KIAA0513: variants seen among roughly 807,000 people sequenced by gnomAD.
KIAA0513 encodes the protein KIAA0513.
KIAA0513 carries 39 observed loss-of-function variants against 56.5 expected under a neutral mutation model. The ratio of observed to expected loss-of-function variants is 0.69; its 90% CI spans 0.53 to 0.90. The LOEUF is 0.90. KIAA0513 is among the 40% of genes least tolerant of loss of function. The pLI, the probability that KIAA0513 is intolerant of heterozygous loss-of-function variation, is 0.00. For synonymous variants in KIAA0513, 268 were observed against 215.6 expected (o/e 1.24, Z -2.13); for missense variants, 591 against 535.2 (o/e 1.10, Z -1.03).
rs777149363 is a variant in KIAA0513, at chr16:85,067,220, C to G, written c.149C>G (p.Ser50Cys). 6.2e-7 allele frequency: 1 copy of G among 1,614,200 alleles called. No homozygotes were observed. Among genetic ancestry groups the G allele is most frequent in the Non-Finnish European group, 8.5e-7 (1 of 1,180,022 alleles). ...DGASESETTE[S>C]ADSENDMGES... ...GCATCAGAGAGTGAGACCACTGAGT[C>G]TGCGGACAGTGAGAATGACATGGGC... The change falls in exon 2 of 13, where the codon TCT (serine) becomes TGT (cysteine). Residue 50 changes from serine (S) to cysteine (C), a missense_variant. Coordinates refer to ENST00000683363, the MANE Select transcript of KIAA0513 (RefSeq NM_001388359.1).
At chr16:85,052,541 A>G (rs1218213238) in intron 1 of KIAA0513, among the ~76,000 whole-genome samples, 6 of 152,184 alleles carry the variant, frequency 3.9e-5, no homozygotes, top group Non-Finnish European at 7.4e-5. Context: ...CAGTCAATCA[A>G]TCAATCGATG....
In KIAA0513 at chr16:85,076,222, G is replaced by T. The variant is rs956355064; in HGVS notation, c.574+308G>T. ...CAAGCTAGGCAGGACATTTCATGGT[G>T]GAAACAGGAACTGCTGGACATGAAG... On this transcript the variant is annotated intron_variant, in intron 5 of 12. Transcript: ENST00000683363. The surrounding 1 kb of genome is among the most constrained non-coding windows in gnomAD (Gnocchi z 4.7). 3.9e-5 allele frequency among the ~76,000 whole-genome samples: 6 copies of T among 152,194 alleles called. No homozygotes were observed. Among genetic ancestry groups the T allele is most frequent in the Non-Finnish European group, 7.3e-5 (5 of 68,036 alleles).
Position 85,090,454 on chromosome 16 carries a change from C to T in KIAA0513, c.*2129C>T, listed in dbSNP as rs936092215. 6.6e-6 allele frequency: 1 copy of T among 152,216 alleles called. No individual in the cohort carries two copies. The highest frequency in any genetic ancestry group is 2.4e-5 in the African/African-American group (1 of 41,450). 9.4% of individuals were successfully genotyped at this position (152,216 alleles called of 1,614,324 possible). On this transcript the variant is annotated 3_prime_UTR_variant, in exon 13 of 13. Transcript: ENST00000683363. ...TTTGATTCTGAGACTCTCTTGGGAACGCTGGAGAGCTTGTGCACAGCCTCT... is the reference window on the plus strand; with the variant it reads ...TTTGATTCTGAGACTCTCTTGGGAATGCTGGAGAGCTTGTGCACAGCCTCT...
intron 11 of KIAA0513, 50 bp from the exon 12 acceptor site, chr16:85,087,022 C>G: frequency 3.2e-6 from 5 of 1,566,350 alleles, no homozygotes; most frequent in Non-Finnish European, 4.4e-6. Flanking sequence ...GCTCCCCGGC[C>G]CTTTCCCCTG....
At chr16:85,030,469 G>A (rs968452637) in intron 1 of KIAA0513, among the ~76,000 whole-genome samples, 7 of 152,170 alleles carry the variant, frequency 4.6e-5, no homozygotes, top group African/African-American at 4.8e-5. Context: ...AGGGCTGGGC[G>A]CGGTGGCTGT....
chr16:85,064,051 G>C (rs995585140), intron 1 of KIAA0513, among the ~76,000 whole-genome samples: 1 of 144,780 alleles, frequency 6.9e-6, no homozygotes, highest in Admixed American at 7.1e-5. Flanking sequence ...TGTCGCCCAG[G>C]CTGGAGTGCA....
rs373294941 is a variant in KIAA0513, at chr16:85,067,207, G to C, written c.136G>C (p.Glu46Gln). Residue 46 changes from glutamate (E) to glutamine (Q), a missense_variant, in exon 2 of 13, where the codon GAG becomes CAG. Physicochemically the swap from Glu to Gln is conservative, Grantham distance 29 (BLOSUM62 2). Transcript: ENST00000683363. ...GSLGDGASES[E>Q]TTESADSEND... Reference sequence around the variant, plus strand: ...CCTGGGGGACGGTGCATCAGAGAGTGAGACCACTGAGTCTGCGGACAGTGA... The same window carrying C: ...CCTGGGGGACGGTGCATCAGAGAGTCAGACCACTGAGTCTGCGGACAGTGA... 3.7e-6 allele frequency: 6 copies of C among 1,614,074 alleles called. No individual in the cohort carries two copies. The highest frequency in any genetic ancestry group is 5.1e-6 in the Non-Finnish European group (6 of 1,180,022).
intron 1 of KIAA0513, among the ~76,000 whole-genome samples, chr16:85,052,582 T>G (rs539002248): frequency 6.6e-6 from 1 of 152,324 alleles, no homozygotes; most frequent in Non-Finnish European, 1.5e-5. Context: ...GGCTTAAGGT[T>G]TCAGGATAGC....
chr16:85,084,554 C>T (rs1282009649), intron 10 of KIAA0513, among the ~76,000 whole-genome samples: 1 of 151,996 alleles, frequency 6.6e-6, no homozygotes, highest in Non-Finnish European at 1.5e-5. Flanking sequence ...CTCAGCCTCC[C>T]GAGTAGCTGG....
intron 1 of KIAA0513, among the ~76,000 whole-genome samples, chr16:85,030,834 G>C (rs1251376678): frequency 6.6e-6 from 1 of 152,118 alleles, no homozygotes; most frequent in African/African-American, 2.4e-5. Flanking sequence ...GGGCATCATG[G>C]GGAGGAGTCC....
At position 85,049,090 on chromosome 16, in the gene KIAA0513, C is replaced by G. The variant is rs146019066; in HGVS notation, c.-172-17810C>G. ...TGCACGGTGGCCATGTCCCCTCTGT[C>G]TTAGCTCCCTGCCAAACTGCGTGGG... On this transcript the variant is annotated intron_variant, in intron 1 of 12. Coordinates refer to ENST00000683363, the MANE Select transcript of KIAA0513 (RefSeq NM_001388359.1). Among the ~76,000 whole-genome samples the G allele has an allele frequency of 2.6e-3, 393 of 152,362 alleles. 3 individuals are homozygous for G. The highest frequency in any genetic ancestry group is 9.0e-3 in the African/African-American group (375 of 41,586).
chr16:85,085,257 A>G (rs1032740669), intron 10 of KIAA0513, among the ~76,000 whole-genome samples: 1 of 152,272 alleles, frequency 6.6e-6, no homozygotes, highest in African/African-American at 2.4e-5. Flanking sequence ...GCATCCTGCC[A>G]TCGGCACGAG....
chr16:85,077,367 G>T, intron 5 of KIAA0513, 58 bp from the exon 6 acceptor site: 2 of 1,538,902 alleles, frequency 1.3e-6, no homozygotes, highest in South Asian at 2.3e-5. Context: ...GGCCTCTGCA[G>T]TTAGCAGGCG....
At chr16:85,034,037 A>G (rs1003655370) in intron 1 of KIAA0513, among the ~76,000 whole-genome samples, 4 of 151,070 alleles carry the variant, frequency 2.6e-5, no homozygotes, top group African/African-American at 9.8e-5. Context: ...CCTTCCTCCA[A>G]CCTCGCCACA....
intron 3 of KIAA0513, 25 bp from the exon 4 acceptor site, chr16:85,072,897 AATG>A: frequency 6.2e-7 from 1 of 1,611,836 alleles, no homozygotes; most frequent in Non-Finnish European, 8.5e-7. Flanking sequence ...CCTGAACCTC[AATG>A]ATGTGTCTGC....
At chr16:85,041,288 C>T (rs1359091370) in intron 1 of KIAA0513, among the ~76,000 whole-genome samples, 1 of 152,186 alleles carries the variant, frequency 6.6e-6, no homozygotes, top group Non-Finnish European at 1.5e-5. Flanking sequence ...CCAACTGTTT[C>T]CTCTGTCCGG....
chr16:85,054,401 CT>C (rs1030253163), intron 1 of KIAA0513, among the ~76,000 whole-genome samples: 5 of 141,360 alleles, frequency 3.5e-5, no homozygotes, highest in African/African-American at 1.3e-4. Context: ...ATCTGTGTTT[CT>C]TTTTTTTCTT....
At chr16:85,031,142 A>C (rs973506241) in intron 1 of KIAA0513, among the ~76,000 whole-genome samples, 2 of 152,200 alleles carry the variant, frequency 1.3e-5, no homozygotes, top group African/African-American at 4.8e-5. Flanking sequence ...CATTCTGTAG[A>C]GGCCCAAGGT....
chr16:85,040,356 G>T (rs528165688), intron 1 of KIAA0513, among the ~76,000 whole-genome samples: 34 of 152,188 alleles, frequency 2.2e-4, no homozygotes, highest in African/African-American at 7.7e-4. Context: ...AATATTAACA[G>T]TGTCATTGTC....
Sources: gnomAD v4.1 joint callset for allele counts (sites outside exome capture counted in the v4.1 genomes callset) on GRCh38, gnomAD v4.1.1 for gene constraint, Gnocchi (gnomAD v3.1) non-coding constraint, MANE v1.5 for transcripts, NCBI Gene and HGNC (gene_info 2026-07-23, HGNC 2026-07-21) for gene names.